The following CDH12 variants were observed in gnomAD, a reference collection of about 807,000 sequenced individuals.
CDH12 encodes cadherin-12.
In CDH12, 41 loss-of-function variants were observed where a neutral mutation model predicts 74.1. That is an observed-to-expected ratio of 0.55 (90% CI 0.43 to 0.72). The LOEUF is 0.72. CDH12 is among the 30% of genes least tolerant of loss of function. CDH12 has a pLI of 0.00. For missense variants in CDH12, 945 were observed against 977.2 expected (o/e 0.97, Z 0.44); for synonymous variants, 399 against 355.0 (o/e 1.12, Z -1.39).
chr5:22,594,419 C>A (rs935194321), intron 1 of CDH12, among the ~76,000 whole-genome samples: 1 of 152,142 alleles, frequency 6.6e-6, no homozygotes. Context: ...GAGACGTACT[C>A]ATCTCCATCC....
intron 4 of CDH12, among the ~76,000 whole-genome samples, chr5:22,150,834 A>G (rs868221457): frequency 3.9e-5 from 6 of 152,264 alleles, no homozygotes; most frequent in South Asian, 2.1e-4. Flanking sequence ...AATCAGAAAA[A>G]CAGACCAGCT....
At chr5:21,926,998 A>T (rs923580923) in intron 6 of CDH12, among the ~76,000 whole-genome samples, 4 of 152,184 alleles carry the variant, frequency 2.6e-5, no homozygotes, top group Admixed American at 2.0e-4. Flanking sequence ...TAAATGAATG[A>T]GGGAAATTTC....
At chr5:21,787,952 T>C (rs1162775316) in intron 10 of CDH12, among the ~76,000 whole-genome samples, 1 of 152,174 alleles carries the variant, frequency 6.6e-6, no homozygotes, top group Non-Finnish European at 1.5e-5. Flanking sequence ...ATAAGAAAAT[T>C]GCCACTGAAA....
chr5:22,601,990 T>C (rs1002709910), intron 1 of CDH12, among the ~76,000 whole-genome samples: 1 of 152,118 alleles, frequency 6.6e-6, no homozygotes, highest in Non-Finnish European at 1.5e-5. Flanking sequence ...GGAATAACTA[T>C]ATATGAAAAT....
chr5:22,623,993 C>G (rs964043092), intron 1 of CDH12, among the ~76,000 whole-genome samples: 1 of 152,160 alleles, frequency 6.6e-6, no homozygotes, highest in Middle Eastern at 3.4e-3. Context: ...CAGAACAGAG[C>G]CCTCAGAAAT....
intron 4 of CDH12, among the ~76,000 whole-genome samples, chr5:22,124,879 C>A (rs1461495828): frequency 2.6e-5 from 4 of 152,118 alleles, no homozygotes; most frequent in Non-Finnish European, 5.9e-5. Context: ...AATATGCAGC[C>A]CTGTGATGCC....
chr5:22,269,186 T>C (rs565626843), intron 3 of CDH12, among the ~76,000 whole-genome samples: 1 of 152,314 alleles, frequency 6.6e-6, no homozygotes, highest in Non-Finnish European at 1.5e-5. Context: ...AATAGTATTT[T>C]GTTTTAATCA....
chr5:22,172,773 T>C (rs1235733667), intron 4 of CDH12, among the ~76,000 whole-genome samples: 3 of 151,776 alleles, frequency 2.0e-5, no homozygotes, highest in African/African-American at 4.8e-5. Flanking sequence ...ATTTGCATGG[T>C]GAGAATGAAT....
chr5:22,692,814 CT>C (rs201081277), intron 1 of CDH12, among the ~76,000 whole-genome samples: 3 of 147,786 alleles, frequency 2.0e-5, no homozygotes, highest in African/African-American at 2.5e-5. Context: ...TTAAGCTTAC[CT>C]TTTTTTTTCC....
At chr5:22,042,346 GA>G (rs1432615525) in intron 5 of CDH12, among the ~76,000 whole-genome samples, 2 of 151,952 alleles carry the variant, frequency 1.3e-5, no homozygotes, top group African/African-American at 4.8e-5. Flanking sequence ...AAACACAAAA[GA>G]TAGAGAAAGC....
intron 3 of CDH12, among the ~76,000 whole-genome samples, chr5:22,246,555 A>G (rs1752951288): frequency 6.6e-6 from 1 of 152,178 alleles, no homozygotes; most frequent in Non-Finnish European, 1.5e-5. Flanking sequence ...ACACAAACAA[A>G]ATGCTTAAAT....
intron 5 of CDH12, among the ~76,000 whole-genome samples, chr5:22,073,736 G>A (rs1044008107): frequency 2.0e-5 from 3 of 152,072 alleles, no homozygotes; most frequent in Non-Finnish European, 2.9e-5. Flanking sequence ...GTGCTTTCTT[G>A]CAAGGATATC....
In CDH12 at chr5:22,489,750, C is replaced by T. The variant is rs1746784887; in HGVS notation, c.-428+15520G>A. ...TCCCTCTGTGGCCCAGGCTAGAGCA[C>T]AAATACGGTTCATTGCAGCCTCAAC... On this transcript the variant is annotated intron_variant, in intron 2 of 14. Transcript: ENST00000382254. Among the ~76,000 whole-genome samples the T allele has an allele frequency of 3.5e-5, 5 of 143,506 alleles. No individual in the cohort carries two copies. In the South Asian group the frequency reaches 1.1e-3, roughly 32 times the overall value. The allele number at this position is 143,506 out of a possible 152,430, so 94.1% of individuals were successfully genotyped here. A position where few individuals can be genotyped will look rare whatever the true frequency, so the allele number is the denominator to read the frequency against.
chr5:22,672,556 T>A (rs1486848563), intron 1 of CDH12, among the ~76,000 whole-genome samples: 1 of 152,174 alleles, frequency 6.6e-6, no homozygotes, highest in East Asian at 1.9e-4. Context: ...CATCCACCCT[T>A]CTGCCATGGG....
chr5:22,257,314 G>T (rs1179892980), intron 3 of CDH12, among the ~76,000 whole-genome samples: 2 of 151,430 alleles, frequency 1.3e-5, no homozygotes, highest in Non-Finnish European at 2.9e-5. Context: ...TTGTATCCCT[G>T]AACTTAAAAT....
At chr5:22,753,105 G>C (rs1350973036) in intron 1 of CDH12, among the ~76,000 whole-genome samples, 4 of 152,164 alleles carry the variant, frequency 2.6e-5, no homozygotes, top group Admixed American at 6.5e-5. Context: ...AGCGAGGCAT[G>C]TTAAGACCTG....
chr5:22,825,598 C>A (rs2126487236), intron 1 of CDH12, among the ~76,000 whole-genome samples: 1 of 152,198 alleles, frequency 6.6e-6, no homozygotes, highest in Non-Finnish European at 1.5e-5. Context: ...AAACATGGAT[C>A]AATGACTAAG....
Position 22,624,636 on chromosome 5 carries a change from C to T in CDH12, c.-522-119272G>A, listed in dbSNP as rs182553455. Among the ~76,000 whole-genome samples the T allele has an allele frequency of 2.1e-3, 321 of 152,124 alleles. 2 individuals carry two copies. The highest frequency in any genetic ancestry group is 3.4e-3 in the Non-Finnish European group (229 of 68,010). ...TACCATCTCACACCAGTTAGAATGG[C>T]GATCATTAAAAAGTCAGGAAACAAT... On this transcript the variant is annotated intron_variant, in intron 1 of 14. Transcript: ENST00000382254.
chr5:22,818,928 G>A (rs1027966178), intron 1 of CDH12, among the ~76,000 whole-genome samples: 1 of 152,108 alleles, frequency 6.6e-6, no homozygotes, highest in Non-Finnish European at 1.5e-5. Flanking sequence ...CTGTCAACTG[G>A]ATGTAAATAA....
Sources: gnomAD v4.1 joint callset for allele counts (sites outside exome capture counted in the v4.1 genomes callset) on GRCh38, gnomAD v4.1.1 for gene constraint, MANE v1.5 for transcripts, NCBI Gene and HGNC (gene_info 2026-07-23, HGNC 2026-07-21) for gene names.